The following TRIM16 variants were observed in gnomAD, a reference collection of about 807,000 sequenced individuals.
TRIM16 encodes tripartite motif containing 16, also known as tripartite motif-containing protein 16.
TRIM16 carries 33 observed loss-of-function variants against 50.4 expected under a neutral mutation model. That is an observed-to-expected ratio of 0.65 (90% CI 0.50 to 0.88). TRIM16 has a LOEUF of 0.88. Among genes scored for constraint, TRIM16 ranks in the 40% least tolerant of loss-of-function variants. The pLI is 0.00. For synonymous variants in TRIM16, 229 were observed against 270.7 expected (o/e 0.85, Z 1.51); for missense variants, 581 against 686.8 (o/e 0.85, Z 1.72).
chr17:15,665,127 T>G (rs569174383), intron 6 of TRIM16, among the ~76,000 whole-genome samples: 3 of 152,194 alleles, frequency 2.0e-5, no homozygotes, highest in African/African-American at 7.2e-5. Flanking sequence ...GTTTTATTAT[T>G]TGCTTTTTTA....
In TRIM16 at chr17:15,651,562, A is replaced by G; in HGVS notation, c.48T>C (p.Thr16=). 1 of 1,613,798 alleles carries G rather than the reference A, an allele frequency of 6.2e-7. No homozygotes were observed. The highest frequency in any genetic ancestry group is 8.5e-7 in the Non-Finnish European group (1 of 1,179,808). The change falls in exon 7 of 12, where the codon ACT becomes ACC. Residue 16 remains threonine, a synonymous_variant. Transcript: ENST00000649191. ...LMAPGPLPRA[T]AQPPAPLSPD... is the part of the protein sequence containing the mutation. Reference sequence around the variant, plus strand: ...GGCTGAGAGGGGCTGGGGGCTGAGCAGTGGCCCTGGGCAGTGGCCCTGGAG... The same window carrying G: ...GGCTGAGAGGGGCTGGGGGCTGAGCGGTGGCCCTGGGCAGTGGCCCTGGAG...
intron 6 of TRIM16, among the ~76,000 whole-genome samples, chr17:15,652,456 T>A (rs553744409): frequency 2.5e-4 from 13 of 51,252 alleles, no homozygotes; most frequent in Admixed American, 5.4e-4. Context: ...GGTGCCCACC[T>A]TTTTTTTTTT....
At chr17:15,667,412 C>T (rs1056223755) in intron 6 of TRIM16, among the ~76,000 whole-genome samples, 16 of 152,150 alleles carry the variant, frequency 1.1e-4, no homozygotes, top group African/African-American at 3.9e-4. Flanking sequence ...TTATTAATTT[C>T]ATTATATCTC....
At chr17:15,656,823 G>A (rs937268966) in intron 6 of TRIM16, among the ~76,000 whole-genome samples, 1 of 152,120 alleles carries the variant, frequency 6.6e-6, no homozygotes, top group Non-Finnish European at 1.5e-5. Context: ...TGCAATCACA[G>A]CTCACTGCAG....
intron 6 of TRIM16, among the ~76,000 whole-genome samples, chr17:15,675,226 C>T (rs2036626767): frequency 6.6e-6 from 1 of 152,212 alleles, no homozygotes; most frequent in African/African-American, 2.4e-5. Context: ...ATTCTGATAG[C>T]TTTGCAAGAG....
chr17:15,671,777 T>A (rs1367879298), intron 6 of TRIM16, among the ~76,000 whole-genome samples: 1 of 152,172 alleles, frequency 6.6e-6, no homozygotes, highest in Admixed American at 6.5e-5. Context: ...AAAATTGTCA[T>A]GTTTCATAGG....
chr17:15,651,169 C>T lies in TRIM16; in HGVS notation c.441G>A (p.Gln147=). ...PLSAFCCPDQ[Q]CICQDCCQEH... is the part of the protein sequence containing the mutation. Reference sequence around the variant, plus strand: ...CCTGGCAACAGTCCTGGCAGATGCACTGCTGATCAGGGCAGCAGAAGGCAG... The same window carrying T: ...CCTGGCAACAGTCCTGGCAGATGCATTGCTGATCAGGGCAGCAGAAGGCAG... The change falls in exon 7 of 12, where the codon CAG becomes CAA. Residue 147 remains glutamine (Q), a synonymous_variant. Coordinates refer to ENST00000649191, the MANE Select transcript of TRIM16 (RefSeq NM_001348119.1). The T allele has an allele frequency of 6.2e-7, 1 of 1,614,236 alleles. No homozygotes were observed.
chr17:15,677,359 T>C, intron 5 of TRIM16, 79 bp from the exon 6 acceptor site: 2 of 946,548 alleles, frequency 2.1e-6, no homozygotes, highest in Non-Finnish European at 2.5e-6. Flanking sequence ...CTCTGTTGCA[T>C]TTTAGAGAGG....
chr17:15,679,810 G>C (rs1324585508), intron 4 of TRIM16, among the ~76,000 whole-genome samples: 1 of 152,090 alleles, frequency 6.6e-6, no homozygotes, highest in Non-Finnish European at 1.5e-5. Context: ...GGTGGCGGGT[G>C]CCTGTAGTCC....
At chr17:15,660,056 G>A (rs543788997) in intron 6 of TRIM16, among the ~76,000 whole-genome samples, 85 of 152,328 alleles carry the variant, frequency 5.6e-4, no homozygotes, top group Non-Finnish European at 8.7e-4. Flanking sequence ...GAGGGTGAGG[G>A]TCCTCTTGTT....
intron 6 of TRIM16, among the ~76,000 whole-genome samples, chr17:15,665,229 G>A (rs544813113): frequency 4.0e-5 from 6 of 151,428 alleles, no homozygotes; most frequent in Non-Finnish European, 7.4e-5. Context: ...AGAGGCTGTA[G>A]AGGCCGGGCG....
At chr17:15,645,884 C>G (rs993706119) in intron 7 of TRIM16, among the ~76,000 whole-genome samples, 1 of 152,198 alleles carries the variant, frequency 6.6e-6, no homozygotes, top group African/African-American at 2.4e-5. Flanking sequence ...GGGGGTGGAT[C>G]TGGCCTATTT....
chr17:15,655,656 G>A (rs1987941677), intron 6 of TRIM16, among the ~76,000 whole-genome samples: 2 of 151,898 alleles, frequency 1.3e-5, no homozygotes, highest in African/African-American at 4.8e-5. Context: ...CTCACTGCAA[G>A]CTCTGCCTCC....
intron 6 of TRIM16, among the ~76,000 whole-genome samples, chr17:15,659,186 C>T (rs1201803573): frequency 6.6e-6 from 1 of 152,214 alleles, no homozygotes; most frequent in Non-Finnish European, 1.5e-5. Flanking sequence ...AAGTCAGCTT[C>T]AACTATGCCC....
chr17:15,637,158 C>G, intron 8 of TRIM16, among the ~76,000 whole-genome samples: 1 of 137,584 alleles, frequency 7.3e-6, no homozygotes, highest in East Asian at 2.3e-4. Flanking sequence ...CCGCCCCATC[C>G]GGGAGGGAGG....
intron 6 of TRIM16, among the ~76,000 whole-genome samples, chr17:15,675,994 C>T (rs1170874081): frequency 5.9e-5 from 9 of 151,828 alleles, no homozygotes; most frequent in Non-Finnish European, 1.3e-4. Flanking sequence ...TCAGGCAACT[C>T]CCAAATCTGT....
At chr17:15,659,585 C>G (rs1988130136) in intron 6 of TRIM16, among the ~76,000 whole-genome samples, 1 of 152,150 alleles carries the variant, frequency 6.6e-6, no homozygotes, top group Non-Finnish European at 1.5e-5. Flanking sequence ...GTATGAAACC[C>G]AAATAATCAC....
intron 1 of TRIM16, chr17:15,683,764 C>T (rs1456903573): frequency 1.3e-5 from 2 of 152,588 alleles, no homozygotes; most frequent in Non-Finnish European, 2.9e-5. Flanking sequence ...CAATACCACT[C>T]TCTGAAAATG....
intron 7 of TRIM16, among the ~76,000 whole-genome samples, chr17:15,644,402 G>A (rs1987260833): frequency 6.6e-6 from 1 of 152,206 alleles, no homozygotes. Flanking sequence ...TGGTCAGGCT[G>A]GTCTTGAACT....
Sources: gnomAD v4.1 joint callset for allele counts (sites outside exome capture counted in the v4.1 genomes callset) on GRCh38, gnomAD v4.1.1 for gene constraint, MANE v1.5 for transcripts, NCBI Gene and HGNC (gene_info 2026-07-23, HGNC 2026-07-21) for gene names.